The following RPL26L1 variants were observed in gnomAD, a reference collection of about 807,000 sequenced individuals.
RPL26L1 encodes ribosomal protein uL24-like.
In RPL26L1, 8 loss-of-function variants were observed where a neutral mutation model predicts 15.2. The ratio of observed to expected loss-of-function variants is 0.53; its 90% confidence interval spans 0.31 to 0.95. The LOEUF (loss-of-function observed/expected upper bound fraction) is 0.95, where lower values mean the gene tolerates loss of function less well. RPL26L1 is among the 40% of genes least tolerant of loss of function. The pLI is 0.05. For missense variants in RPL26L1, 146 were observed against 190.9 expected (o/e 0.76, Z 1.39); for synonymous variants, 51 against 65.9 (o/e 0.77, Z 1.09).
intron 2 of RPL26L1, among the ~76,000 whole-genome samples, chr5:172,962,757 A>T (rs2113534241): frequency 6.7e-6 from 1 of 149,808 alleles, no homozygotes; most frequent in East Asian, 2.0e-4. Context: ...GGGAGCTTCC[A>T]ATGAGCCAAG....
chr5:172,959,754 C>A (rs996462444), intron 1 of RPL26L1, 111 bp from the exon 2 acceptor site: 32 of 1,295,032 alleles, frequency 2.5e-5, no homozygotes, highest in Middle Eastern at 4.2e-4. Flanking sequence ...TTTTCAGAGG[C>A]TACCTCCCCT....
At chr5:172,955,000 C>G, upstream of RPL26L1, 1 of 455,966 alleles carries the variant, frequency 2.2e-6, no homozygotes, top group Non-Finnish European at 4.4e-6. Flanking sequence ...TGGAGACGTG[C>G]TTCGTGAGGA....
chr5:172,963,286 A>G (rs1755314156), intron 2 of RPL26L1, among the ~76,000 whole-genome samples: 1 of 151,898 alleles, frequency 6.6e-6, no homozygotes, highest in African/African-American at 2.4e-5. Flanking sequence ...AGGCAGGGGA[A>G]TCGCTTTAAC....
chr5:172,956,896 C>T, upstream of RPL26L1: 1 of 220,180 alleles, frequency 4.5e-6, no homozygotes, highest in Non-Finnish European at 9.3e-6. Flanking sequence ...CAAAACTGCA[C>T]CACTGCACTC....
upstream of RPL26L1, chr5:172,957,074 A>T (rs1193216162): frequency 1.7e-5 from 7 of 420,384 alleles, no homozygotes; most frequent in Non-Finnish European, 3.3e-5. Flanking sequence ...AGTGGCAGAG[A>T]TCCAAACCCA....
chr5:172,955,129 GTTTTTTTTTTTTTT>G, upstream of RPL26L1: 1 of 200,412 alleles, frequency 5.0e-6, no homozygotes, highest in South Asian at 3.4e-5. Context: ...GCTGTGGTTA[GTTTTTTTTTTTTTT>G]TTTTTTTTTT....
intron 2 of RPL26L1, among the ~76,000 whole-genome samples, chr5:172,961,721 A>C (rs1209647089): frequency 2.0e-5 from 3 of 152,232 alleles, no homozygotes; most frequent in African/African-American, 7.2e-5. Context: ...TTCTCTACGT[A>C]GGTAAAGAAT....
In RPL26L1 at chr5:172,959,477, A is replaced by G; in HGVS notation, c.-10+9A>G. 5 of 1,022,954 alleles carry G rather than the reference A, an allele frequency of 4.9e-6. No individual in the cohort carries two copies. Among genetic ancestry groups the G allele is most frequent in the Non-Finnish European group, 5.9e-6 (5 of 849,234 alleles). The allele number at this position is 1,022,954 out of a possible 1,614,324, so 63.4% of individuals were successfully genotyped here. On this transcript the variant is annotated intron_variant, in intron 1 of 3. Coordinates refer to ENST00000265100, the MANE Select transcript of RPL26L1 (RefSeq NM_016093.4). ...AGGCAGCTAGTAGCCGGGTGAGTGGAGGCTGGAGTTTTCTCGGACAGTGAA... is the reference window on the plus strand; with the variant it reads ...AGGCAGCTAGTAGCCGGGTGAGTGGGGGCTGGAGTTTTCTCGGACAGTGAA...
chr5:172,968,701 C>A, intron 3 of RPL26L1, 102 bp downstream of exon 3: 2 of 1,306,232 alleles, frequency 1.5e-6, no homozygotes, highest in Non-Finnish European at 2.1e-6. Context: ...CTGAGGCAGG[C>A]CAGGTGGACT....
At chr5:172,959,613 T>C in intron 1 of RPL26L1, 145 bp downstream of exon 1, 2 of 1,257,560 alleles carry the variant, frequency 1.6e-6, no homozygotes, top group Non-Finnish European at 1.0e-6. Flanking sequence ...CTAGCATTCC[T>C]TCCTCAGCCT....
chr5:172,964,796 A>G (rs1755386954), intron 2 of RPL26L1, among the ~76,000 whole-genome samples: 1 of 152,214 alleles, frequency 6.6e-6, no homozygotes, highest in South Asian at 2.1e-4. Flanking sequence ...AATTGAAGTT[A>G]TCAGCCAGGA....
rs386405707 is a variant in RPL26L1 at position 172,966,313 on chromosome 5, A to ATTTTTTTTTT, written c.169-2126_169-2117dup. Among the ~76,000 whole-genome samples the ATTTTTTTTTT allele has an allele frequency of 8.8e-4, 56 of 63,666 alleles. 7 individuals are homozygous for ATTTTTTTTTT. Among genetic ancestry groups the ATTTTTTTTTT allele is most frequent in the Admixed American group, 2.8e-3 (10 of 3,584 alleles). The allele number at this position is 63,666 out of a possible 152,430, so 41.8% of individuals were successfully genotyped here. A position where few individuals can be genotyped will look rare whatever the true frequency, so the allele number is the denominator to read the frequency against. ...CGCATGCCACCATGTCTGGCTAACT[A>ATTTTTTTTTT]TTTTTTTTTTTTTTTTTTTTTTTTT... On this transcript the variant is annotated intron_variant, in intron 2 of 3. Coordinates refer to ENST00000265100, the MANE Select transcript of RPL26L1 (RefSeq NM_016093.4).
intron 2 of RPL26L1, among the ~76,000 whole-genome samples, chr5:172,966,409 G>A (rs1344235337): frequency 8.0e-6 from 1 of 125,566 alleles, no homozygotes; most frequent in Non-Finnish European, 1.6e-5. Flanking sequence ...CAGTCCACCT[G>A]CCTGAGCTTC....
chr5:172,957,092 T>G (rs1370511275), upstream of RPL26L1: 2 of 433,406 alleles, frequency 4.6e-6, no homozygotes, highest in Non-Finnish European at 9.3e-6. Flanking sequence ...CCAAGCGATT[T>G]GGGTGCCAGG....
intron 2 of RPL26L1, among the ~76,000 whole-genome samples, chr5:172,965,061 G>A (rs1428337261): frequency 6.6e-6 from 1 of 152,200 alleles, no homozygotes; most frequent in Non-Finnish European, 1.5e-5. Flanking sequence ...GCACATGCCT[G>A]TAATCCCAGC....
At position 172,969,407 on chromosome 5, in the gene RPL26L1, C is replaced by G; in HGVS notation, c.310-6C>G. ...AAATAAAGACCTGTTTTCTCACTCC[C>G]AACAGGTGGTTATCACCAGGCTAAA... On this transcript the variant is annotated splice_polypyrimidine_tract_variant and splice_region_variant and intron_variant, in intron 3 of 3. Transcript: ENST00000265100. 2.5e-6 allele frequency: 4 copies of G among 1,610,778 alleles called. No homozygotes were observed. Among genetic ancestry groups the G allele is most frequent in the Non-Finnish European group, 2.5e-6 (3 of 1,178,082 alleles).
At chr5:172,964,288 T>C (rs1039731755) in intron 2 of RPL26L1, among the ~76,000 whole-genome samples, 6 of 135,200 alleles carry the variant, frequency 4.4e-5, no homozygotes, top group Non-Finnish European at 9.7e-5. Context: ...TGCCTTTTTT[T>C]TTTTTTTTTT....
At chr5:172,969,289 T>G in intron 3 of RPL26L1, 124 bp from the exon 4 acceptor site, 2 of 978,288 alleles carry the variant, frequency 2.0e-6, no homozygotes, top group Admixed American at 2.3e-5. Context: ...GGGTCTGTTT[T>G]CCTTCCAGAG....
chr5:172,964,281 C>CTTTTTTTTTTTTTTTTTTTT (rs1204432096), intron 2 of RPL26L1, among the ~76,000 whole-genome samples: 1 of 99,234 alleles, frequency 1.0e-5, no homozygotes. Context: ...GGCCTGTTGC[C>CTTTTTTTTTTTTTTTTTTTT]TTTTTTTTTT....
Sources: allele counts gnomAD v4.1 joint callset (sites outside exome capture counted in the v4.1 genomes callset), GRCh38; gene constraint gnomAD v4.1.1; transcripts MANE v1.5; gene names NCBI Gene and HGNC (gene_info 2026-07-23, HGNC 2026-07-21).